The following TMEM67 variants were observed in gnomAD, a reference collection of about 807,000 sequenced individuals.
TMEM67 encodes the protein meckelin.
TMEM67 carries 124 observed loss-of-function variants against 136.6 expected under a neutral mutation model. That is an observed-to-expected ratio of 0.91 (90% CI 0.78 to 1.05). The LOEUF is 1.05. Among genes scored for constraint, TMEM67 ranks in the 50% least tolerant of loss-of-function variants. The pLI, the probability that TMEM67 is intolerant of heterozygous loss-of-function variation, is 0.00. For synonymous variants in TMEM67, 364 were observed against 390.5 expected, an observed-to-expected ratio of 0.93 and a Z score of 0.80; for missense variants, 1,107 against 1,178.4, an observed-to-expected ratio of 0.94 and a Z score of 0.89.
chr8:93,805,041 C>T (rs899480861), intron 23 of TMEM67, among the ~76,000 whole-genome samples, 163 bp downstream of exon 23: 4 of 151,990 alleles, frequency 2.6e-5, no homozygotes, highest in African/African-American at 9.7e-5. Context: ...GGCGCAATCT[C>T]GGCTCACTGC....
chr8:93,759,235 G>A (rs1812712796), intron 3 of TMEM67: 1 of 152,118 alleles, frequency 6.6e-6, no homozygotes. Flanking sequence ...GCTAAGGCAG[G>A]TGTATTGCTT....
At chr8:93,786,181 T>C in intron 12 of TMEM67, 42 bp from the exon 13 acceptor site, 2 of 1,599,674 alleles carry the variant, frequency 1.3e-6, no homozygotes, top group Non-Finnish European at 1.7e-6. Context: ...AATTTCATGT[T>C]TTAAATTTGT....
In TMEM67 at chr8:93,791,408, G is replaced by T. The variant is rs1285415446; in HGVS notation, c.1575+89G>T. ...TGCAAGAAGTTGCTAAAACAAATTT[G>T]CCAGCTATTCTTTCCCCAGACTCCC... On this transcript the variant is annotated intron_variant, in intron 15 of 27. Coordinates refer to ENST00000453321, the MANE Select transcript of TMEM67 (RefSeq NM_153704.6). The T allele has an allele frequency of 7.7e-6, 7 of 906,406 alleles. No individual in the cohort carries two copies. The African/African-American group carries it at 8.3e-5, about 11-fold the overall frequency. 56.1% of individuals were successfully genotyped at this position (906,406 alleles called of 1,614,324 possible).
intron 26 of TMEM67, 100 bp downstream of exon 26, chr8:93,809,987 TAGACGGC>T: frequency 3.0e-6 from 2 of 667,992 alleles, no homozygotes; most frequent in Non-Finnish European, 5.0e-6. Flanking sequence ...TTTTTTTTTT[TAGACGGC>T]GTCTTGCTCT....
chr8:93,781,824 A>G, intron 10 of TMEM67, 80 bp downstream of exon 10: 6 of 787,142 alleles, frequency 7.6e-6, no homozygotes. Context: ...AGATTATTGT[A>G]TGAATAAAGC....
Position 93,755,025 on chromosome 8 carries a change from G to C in TMEM67, c.111G>C (p.Gln37His). The C allele has an allele frequency of 6.2e-7, 1 of 1,614,212 alleles. No homozygotes were observed. Among genetic ancestry groups the C allele is most frequent in the South Asian group, 1.1e-5 (1 of 91,088 alleles). Residue 37 changes from glutamine (Q) to histidine (H), a missense_variant, in exon 1 of 28, where the codon CAG becomes CAC. Transcript: ENST00000453321. The stretch of plus-strand genomic sequence containing the variant: ...TCCTCCCTCGCTTCTTACAGGCCCA[G>C]ACCTTCTCTTTCCCTTTCCAGCAGC... ...LLFLPRFLQAQTFSFPFQQPE... is the reference protein window; with the variant it reads ...LLFLPRFLQAHTFSFPFQQPE...
the TMEM67 span, among the ~76,000 whole-genome samples, chr8:93,827,171 T>C: frequency 2.0e-5 from 3 of 152,092 alleles, no homozygotes; most frequent in African/African-American, 7.2e-5. Flanking sequence ...CTTGAGAAGG[T>C]GAGCATGGCA....
At chr8:93,769,461 G>A (rs549911131) in intron 6 of TMEM67, 1 of 166,828 alleles carries the variant, frequency 6.0e-6, no homozygotes, top group Non-Finnish European at 1.5e-5. Flanking sequence ...GCTCAGACCT[G>A]GCCAGGGAGA....
chr8:93,821,301 A>G (rs1809037063), downstream of TMEM67, among the ~76,000 whole-genome samples: 1 of 152,150 alleles, frequency 6.6e-6, no homozygotes, highest in Admixed American at 6.5e-5. Context: ...TTTTGTTTTG[A>G]GACAGGGTCA....
chr8:93,796,558 G>T (rs775522403), intron 18 of TMEM67, among the ~76,000 whole-genome samples: 7 of 152,112 alleles, frequency 4.6e-5, no homozygotes, highest in Non-Finnish European at 1.0e-4. Flanking sequence ...CTCATACTTA[G>T]ATTTTTATCC....
At chr8:93,798,498 G>A (rs1814719855) in intron 20 of TMEM67, among the ~76,000 whole-genome samples, 1 of 152,194 alleles carries the variant, frequency 6.6e-6, no homozygotes, top group Non-Finnish European at 1.5e-5. Flanking sequence ...TACATATGCA[G>A]TTATTTCATG....
chr8:93,814,685 C>T (rs752274042), intron 26 of TMEM67, among the ~76,000 whole-genome samples: 1 of 147,798 alleles, frequency 6.8e-6, no homozygotes, highest in Non-Finnish European at 1.5e-5. Context: ...TGGAGTCTGA[C>T]TATGTTGCCT....
intron 4 of TMEM67, among the ~76,000 whole-genome samples, 164 bp from the exon 5 acceptor site, chr8:93,765,242 C>G (rs974893302): frequency 3.3e-5 from 5 of 152,018 alleles, no homozygotes; most frequent in African/African-American, 1.2e-4. Context: ...CACAGAATGG[C>G]CTAAAACTAT....
At chr8:93,755,646 C>T (rs911411835) in intron 1 of TMEM67, 132 bp from the exon 2 acceptor site, 18 of 664,004 alleles carry the variant, frequency 2.7e-5, no homozygotes, top group Non-Finnish European at 3.1e-5. Flanking sequence ...AGTACTGCCT[C>T]CAGAATCCTG....
At chr8:93,771,280 G>T (rs1813321708) in intron 6 of TMEM67, among the ~76,000 whole-genome samples, 1 of 148,600 alleles carries the variant, frequency 6.7e-6, no homozygotes, top group Non-Finnish European at 1.5e-5. Flanking sequence ...GCTTTATTAT[G>T]AACTGTAGAA....
chr8:93,827,579 CTTTTT>C, the TMEM67 span, among the ~76,000 whole-genome samples: 5 of 136,490 alleles, frequency 3.7e-5, no homozygotes, highest in African/African-American at 1.1e-4. Context: ...TGTATTTTTT[CTTTTT>C]TTTTTTTTTG....
chr8:93,786,996 G>A (rs1329835293), intron 13 of TMEM67, among the ~76,000 whole-genome samples: 1 of 152,132 alleles, frequency 6.6e-6, no homozygotes, highest in Non-Finnish European at 1.5e-5. Flanking sequence ...CTTATAAACA[G>A]TGCAGAAACT....
chr8:93,754,882 G>A (rs758890132), upstream of TMEM67: 32 of 1,598,434 alleles, frequency 2.0e-5, 1 homozygote, highest in Admixed American at 5.0e-4. Context: ...CTGATGGGGG[G>A]CTGGAGGCTG....
chr8:93,819,226 A>G (rs1809003688), downstream of TMEM67: 1 of 433,012 alleles, frequency 2.3e-6, no homozygotes, highest in Non-Finnish European at 4.5e-6. Context: ...TAATAATATG[A>G]TATTAAAACT....
Sources: allele counts gnomAD v4.1 joint callset (sites outside exome capture counted in the v4.1 genomes callset), GRCh38; gene constraint gnomAD v4.1.1; transcripts MANE v1.5; gene names NCBI Gene and HGNC (gene_info 2026-07-23, HGNC 2026-07-21).